The following PPP1R9A variants were observed in gnomAD, a reference collection of about 807,000 sequenced individuals.
PPP1R9A encodes neurabin-1.
Under a neutral mutation model 141.9 loss-of-function variants are expected in PPP1R9A, and 59 were observed. That is an observed-to-expected ratio of 0.42 (90% CI 0.34 to 0.52). PPP1R9A has a LOEUF of 0.52. PPP1R9A is among the 20% of genes least tolerant of loss of function. The pLI, the probability that PPP1R9A is intolerant of heterozygous loss-of-function variation, is 0.10. For missense variants in PPP1R9A, 1,444 were observed against 1,611.9 expected, an observed-to-expected ratio of 0.90 and a Z score of 1.78; for synonymous variants, 500 against 569.7, an observed-to-expected ratio of 0.88 and a Z score of 1.74.
intron 8 of PPP1R9A, among the ~76,000 whole-genome samples, chr7:95,227,920 G>C (rs887738125): frequency 6.6e-6 from 1 of 152,066 alleles, no homozygotes. Context: ...CATTTCTTCA[G>C]AATATTGCCC....
intron 8 of PPP1R9A, among the ~76,000 whole-genome samples, chr7:95,238,924 T>C (rs1309841243): frequency 1.3e-5 from 2 of 152,174 alleles, no homozygotes; most frequent in African/African-American, 2.4e-5. Flanking sequence ...AAATAGTCTA[T>C]ATTTTTTATT....
intron 3 of PPP1R9A, among the ~76,000 whole-genome samples, chr7:95,116,746 T>C (rs1417776209): frequency 1.3e-5 from 2 of 152,176 alleles, no homozygotes; most frequent in Non-Finnish European, 2.9e-5. Context: ...ATGAATGACT[T>C]AATTTTCCAA....
chr7:94,934,231 A>G (rs1317960297), intron 2 of PPP1R9A, among the ~76,000 whole-genome samples: 2 of 152,234 alleles, frequency 1.3e-5, no homozygotes, highest in East Asian at 3.9e-4. Flanking sequence ...AGAGGAGAGC[A>G]CTAGATCAGG....
chr7:95,161,979 CG>C lies in PPP1R9A; in HGVS notation c.1754+9del, dbSNP rs775566861. 28 of 1,566,792 alleles carry C rather than the reference CG, an allele frequency of 1.8e-5. No individual in the cohort carries two copies. Among genetic ancestry groups the C allele is most frequent in the Non-Finnish European group, 2.3e-5 (26 of 1,141,538 alleles). ...CACCAAGGGCAACGTCAGGTAAATA[CG>C]TGCCTTCTAATATACACCATGTTGT... On this transcript the variant is annotated intron_variant, in intron 5 of 19. Transcript: ENST00000433360.
chr7:95,140,186 A>G (rs1307118463), intron 4 of PPP1R9A, among the ~76,000 whole-genome samples: 1 of 152,214 alleles, frequency 6.6e-6, no homozygotes, highest in Non-Finnish European at 1.5e-5. Flanking sequence ...AGAGAGAACT[A>G]GAGAAGGCCA....
At position 95,199,246 on chromosome 7, in the gene PPP1R9A, G is replaced by A. The variant is rs150013082; in HGVS notation, c.1890+762G>A. Reference sequence around the variant, plus strand: ...GGACAACATGCTTTATTATAAACACGTTTAAACATTCATGTGTTTCATATT... The same window carrying A: ...GGACAACATGCTTTATTATAAACACATTTAAACATTCATGTGTTTCATATT... On this transcript the variant is annotated intron_variant, in intron 6 of 19. Transcript: ENST00000433360. Among the ~76,000 whole-genome samples, 598 of 152,192 alleles carry A rather than the reference G, an allele frequency of 3.9e-3. 3 individuals are homozygous for A. Among genetic ancestry groups the A allele is most frequent in the Admixed American group, 7.1e-3 (109 of 15,282 alleles).
chr7:95,203,735 G>C lies in PPP1R9A; in HGVS notation c.1956+5G>C, dbSNP rs1248605964. ...AATAACAACTATTTTCTTAAGGTTT[G>C]TTTTTTGGTTTAAAGTAATGCTTAC... is the stretch of plus-strand genomic sequence containing the variant. On this transcript the variant is annotated splice_donor_5th_base_variant and intron_variant, in intron 7 of 19. Transcript: ENST00000433360. 7 of 1,531,160 alleles carry C rather than the reference G, an allele frequency of 4.6e-6. No individual in the cohort carries two copies. The East Asian group carries it at 1.5e-4, about 32-fold the overall frequency. The allele number at this position is 1,531,160 out of a possible 1,614,324, so 94.8% of individuals were successfully genotyped here.
intron 2 of PPP1R9A, among the ~76,000 whole-genome samples, chr7:94,955,228 G>A (rs1272824920): frequency 1.3e-5 from 2 of 151,866 alleles, no homozygotes; most frequent in African/African-American, 4.8e-5. Flanking sequence ...TTACTCTTAA[G>A]CAACTGTAAA....
chr7:95,268,634 G>A lies in PPP1R9A; in HGVS notation c.2750G>A (p.Arg917His), dbSNP rs139020369. 1.2e-5 allele frequency: 19 copies of A among 1,613,328 alleles called. No homozygotes were observed. The African/African-American group carries it at 2.1e-4, about 18-fold the overall frequency. Residue 917 changes from arginine to histidine, a missense_variant, in exon 13 of 20, where the codon CGC becomes CAC. This residue lies in a region of PPP1R9A where 488 missense variants were observed against 542.0 expected (regional missense o/e 0.90). Coordinates refer to ENST00000433360, the MANE Select transcript of PPP1R9A (RefSeq NM_001166160.2). ...GCCCAGCTCTCTGTGAAGAACAGAC[G>A]CCAGAGACCCTCTAGGACAAGACTG... The part of the protein sequence containing the change: ...TRAQLSVKNR[R>H]QRPSRTRLYD...
chr7:95,168,599 GAC>G (rs1206588446), intron 5 of PPP1R9A, among the ~76,000 whole-genome samples: 2 of 151,680 alleles, frequency 1.3e-5, no homozygotes, highest in African/African-American at 2.4e-5. Context: ...AGAGTGAAGA[GAC>G]AGCCTGTTGA....
chr7:95,263,571 A>G (rs936776842), intron 12 of PPP1R9A, among the ~76,000 whole-genome samples: 1 of 151,876 alleles, frequency 6.6e-6, no homozygotes, highest in Admixed American at 6.6e-5. Flanking sequence ...TTACAGGTGC[A>G]CGCCATCACA....
chr7:95,162,033 A>G (rs2152713331), intron 5 of PPP1R9A, 62 bp downstream of exon 5: 2 of 1,014,600 alleles, frequency 2.0e-6, no homozygotes, highest in Non-Finnish European at 1.4e-6. Flanking sequence ...AATTTTCTAT[A>G]GTTTAACCTG....
At position 95,151,941 on chromosome 7, in the gene PPP1R9A, C is replaced by CTTTTTTTTTTTTTTTT. The variant is rs1167382285; in HGVS notation, c.1650-9912_1650-9897dup. Reference sequence around the variant, plus strand: ...AATGTCAGCACATAGTACTGAGAATCTTTTTTTTTTTTTTTTTTTTTTTTT... The same window carrying CTTTTTTTTTTTTTTTT: ...AATGTCAGCACATAGTACTGAGAATCTTTTTTTTTTTTTTTTTTTTTTTTTTTTTTTTTTTTTTTTT... On this transcript the variant is annotated intron_variant, in intron 4 of 19. Coordinates refer to ENST00000433360, the MANE Select transcript of PPP1R9A (RefSeq NM_001166160.2). Among the ~76,000 whole-genome samples, 30 of 54,462 alleles carry CTTTTTTTTTTTTTTTT rather than the reference C, an allele frequency of 5.5e-4. 6 individuals are homozygous for CTTTTTTTTTTTTTTTT. The highest frequency in any genetic ancestry group is 2.1e-3 in the East Asian group (3 of 1,428). The allele number at this position is 54,462 out of a possible 152,430, so 35.7% of individuals were successfully genotyped here.
chr7:95,159,812 G>C (rs1585009038), intron 4 of PPP1R9A, among the ~76,000 whole-genome samples: 1 of 151,698 alleles, frequency 6.6e-6, no homozygotes, highest in African/African-American at 2.4e-5. Flanking sequence ...TGTAATCCCA[G>C]CTATTCAGGA....
rs1012337181 is a variant in PPP1R9A, at chr7:95,104,137, G to T, written c.1396-7122G>T. Among the ~76,000 whole-genome samples, 7 of 152,164 alleles carry T rather than the reference G, an allele frequency of 4.6e-5. No homozygotes were observed. The East Asian group carries it at 1.2e-3, about 25-fold the overall frequency. ...AAATGAATGATGTTGAAGATACAGG[G>T]GTTAGCCTTAGAAATATTTTATGTA... On this transcript the variant is annotated intron_variant, in intron 2 of 19. Transcript: ENST00000433360.
At chr7:95,203,850 T>C in intron 7 of PPP1R9A, 120 bp downstream of exon 7, 1 of 652,148 alleles carries the variant, frequency 1.5e-6, no homozygotes, top group Non-Finnish European at 2.5e-6. Context: ...TAGAGTGATG[T>C]GTTTTGTGCA....
intron 7 of PPP1R9A, among the ~76,000 whole-genome samples, chr7:95,217,723 A>T (rs780597743): frequency 3.9e-5 from 6 of 152,146 alleles, no homozygotes; most frequent in Non-Finnish European, 8.8e-5. Flanking sequence ...CTGGGAATTT[A>T]TCCATTTCTT....
At chr7:94,998,963 C>T (rs1191479633) in intron 2 of PPP1R9A, among the ~76,000 whole-genome samples, 1 of 152,120 alleles carries the variant, frequency 6.6e-6, no homozygotes, top group Non-Finnish European at 1.5e-5. Flanking sequence ...ACCATGCTGC[C>T]AGGCTGATCT....
intron 2 of PPP1R9A, among the ~76,000 whole-genome samples, chr7:95,058,521 AG>A (rs1272446037): frequency 2.0e-5 from 3 of 152,170 alleles, no homozygotes; most frequent in Non-Finnish European, 4.4e-5. Flanking sequence ...GTCTGGTTAA[AG>A]GAGAAAGGGT....
Sources: allele counts gnomAD v4.1 joint callset (sites outside exome capture counted in the v4.1 genomes callset), GRCh38; gene constraint gnomAD v4.1.1; regional missense constraint gnomAD v4.1.1; transcripts MANE v1.5; gene names NCBI Gene and HGNC (gene_info 2026-07-23, HGNC 2026-07-21).